Variants in EBF1 observed in about 807,000 individuals in gnomAD.
The protein encoded by EBF1 is transcription factor COE1.
EBF1 carries 10 observed loss-of-function variants against 68.4 expected under a neutral mutation model. The observed-to-expected ratio is 0.15, with a 90% CI of 0.09 to 0.25. The LOEUF (loss-of-function observed/expected upper bound fraction) is 0.25. Among genes scored for constraint, EBF1 ranks in the 10% least tolerant of loss-of-function variants. The pLI is 1.00. For missense variants in EBF1, 509 were observed against 794.4 expected (o/e 0.64, Z 4.32); for synonymous variants, 298 against 299.8 (o/e 0.99, Z 0.06).
chr5:158,968,562 GA>G (rs1215223257), intron 6 of EBF1, among the ~76,000 whole-genome samples: 1 of 151,816 alleles, frequency 6.6e-6, no homozygotes, highest in East Asian at 1.9e-4. Context: ...TTGGAGACAG[GA>G]AAAAAGAGAA....
intron 6 of EBF1, among the ~76,000 whole-genome samples, chr5:158,891,499 G>A (rs1313939686): frequency 6.6e-6 from 1 of 152,104 alleles, no homozygotes; most frequent in African/African-American, 2.4e-5. Context: ...ATTCGAAGTA[G>A]ACCCAGTGCT....
chr5:158,900,557 AC>A (rs1230278361), intron 6 of EBF1, among the ~76,000 whole-genome samples: 1 of 152,166 alleles, frequency 6.6e-6, no homozygotes, highest in Non-Finnish European at 1.5e-5. Context: ...GGCAGCTACC[AC>A]CTGTTTCCCA....
At chr5:158,969,890 AAGAAAGAAAGAAAGAAAGAAAGAAAG>A (rs1755120622) in intron 6 of EBF1, among the ~76,000 whole-genome samples, 2 of 112,544 alleles carry the variant, frequency 1.8e-5, no homozygotes, top group African/African-American at 6.4e-5. Context: ...GAAAGAAAGA[AAGAAAGAAAGAAAGAAAGAAAGAAAG>A]AAAAAAAAAA....
At chr5:158,720,843 A>G (rs1761792340) in intron 11 of EBF1, among the ~76,000 whole-genome samples, 1 of 152,220 alleles carries the variant, frequency 6.6e-6, no homozygotes, top group African/African-American at 2.4e-5. Context: ...GCAGGGAGGC[A>G]TAAAATGCCA....
At chr5:159,013,680 T>C (rs373698511) in intron 6 of EBF1, among the ~76,000 whole-genome samples, 13 of 152,068 alleles carry the variant, frequency 8.5e-5, no homozygotes, top group African/African-American at 2.9e-4. Flanking sequence ...GATGGGTTCA[T>C]CCAGTGGGAA....
At chr5:158,756,573 T>G (rs1770147413) in intron 10 of EBF1, among the ~76,000 whole-genome samples, 1 of 152,050 alleles carries the variant, frequency 6.6e-6, no homozygotes, top group African/African-American at 2.4e-5. Flanking sequence ...TTTTATTCCT[T>G]CATCAATCCA....
chr5:158,806,115 T>C (rs940535077), intron 8 of EBF1, among the ~76,000 whole-genome samples: 2 of 152,068 alleles, frequency 1.3e-5, no homozygotes, highest in Non-Finnish European at 2.9e-5. Flanking sequence ...AGTTGGCTTA[T>C]GGCAGGCAGG....
At chr5:158,742,050 C>A (rs1036710897) in intron 10 of EBF1, among the ~76,000 whole-genome samples, 2 of 152,200 alleles carry the variant, frequency 1.3e-5, no homozygotes, top group Non-Finnish European at 2.9e-5. Context: ...CAAACCCAGG[C>A]AGTCTGCCTC....
At chr5:158,929,148 T>C (rs1244800477) in intron 6 of EBF1, among the ~76,000 whole-genome samples, 2 of 152,122 alleles carry the variant, frequency 1.3e-5, no homozygotes, top group Non-Finnish European at 2.9e-5. Context: ...AGGTTATCAG[T>C]GTGTGGCAGA....
At chr5:158,892,658 T>G (rs1192877902) in intron 6 of EBF1, among the ~76,000 whole-genome samples, 1 of 152,154 alleles carries the variant, frequency 6.6e-6, no homozygotes, top group East Asian at 1.9e-4. Context: ...GTTTAAGACA[T>G]ATATACATAA....
Position 158,801,160 on chromosome 5 carries a change from C to G in EBF1, c.779-4685G>C, listed in dbSNP as rs568968696. On this transcript the variant is annotated intron_variant, in intron 8 of 15. Transcript: ENST00000313708. ...CTATGACAATAACATGATTACCCTACCACAGTTTAGCATAATGGCTCTGAA... is the reference window on the plus strand; with the variant it reads ...CTATGACAATAACATGATTACCCTAGCACAGTTTAGCATAATGGCTCTGAA... Among the ~76,000 whole-genome samples the G allele has an allele frequency of 2.0e-4, 30 of 152,022 alleles. No homozygotes were observed. In the South Asian group the frequency reaches 5.8e-3, roughly 30 times the overall value.
At chr5:158,988,668 T>A (rs1759639883) in intron 6 of EBF1, among the ~76,000 whole-genome samples, 1 of 152,184 alleles carries the variant, frequency 6.6e-6, no homozygotes, top group South Asian at 2.1e-4. Context: ...ATGCTTTAAA[T>A]AGGCCCATTG....
rs1172193626 is a variant in EBF1 at position 158,840,104 on chromosome 5, G to A, written c.561C>T (p.Phe187=). The A allele has an allele frequency of 3.1e-6, 5 of 1,613,400 alleles. No individual in the cohort carries two copies. Among genetic ancestry groups the A allele is most frequent in the Non-Finnish European group, 4.2e-6 (5 of 1,179,524 alleles). The change falls in exon 7 of 16, where the codon TTC becomes TTT. Residue 187 remains phenylalanine (F), a synonymous_variant. Transcript: ENST00000313708. ...PSDPVIIDRF[F]LKFFLKCNQN... ...GGTTACATTTGAGGAAAAATTTCAA[G>A]AAGAACCTGTGAAGAAACAAATCAT... is the stretch of plus-strand genomic sequence containing the variant.
At chr5:158,834,539 A>G (rs1398708891) in intron 7 of EBF1, among the ~76,000 whole-genome samples, 2 of 152,124 alleles carry the variant, frequency 1.3e-5, no homozygotes, top group African/African-American at 4.8e-5. Flanking sequence ...CAGATTTTCT[A>G]CAAGGTTTAT....
At chr5:159,019,670 G>A (rs1429854124) in intron 6 of EBF1, among the ~76,000 whole-genome samples, 4 of 152,086 alleles carry the variant, frequency 2.6e-5, no homozygotes, top group Admixed American at 1.3e-4. Context: ...CTGCTTTATC[G>A]CAAAATTCAA....
intron 6 of EBF1, among the ~76,000 whole-genome samples, chr5:159,001,308 T>C (rs1762492286): frequency 6.6e-6 from 1 of 152,180 alleles, no homozygotes; most frequent in African/African-American, 2.4e-5. Flanking sequence ...ACAGTAAATA[T>C]GGATAGACAT....
At chr5:158,756,016 A>G (rs755089732) in intron 10 of EBF1, among the ~76,000 whole-genome samples, 2 of 152,128 alleles carry the variant, frequency 1.3e-5, no homozygotes, top group Non-Finnish European at 2.9e-5. Context: ...CCAAAATGTC[A>G]ATGGTACTTT....
chr5:158,760,369 C>T (rs76340014), intron 10 of EBF1, among the ~76,000 whole-genome samples: 1 of 152,122 alleles, frequency 6.6e-6, no homozygotes, highest in Non-Finnish European at 1.5e-5. Context: ...GACAGGAATT[C>T]CTTCCAAACA....
chr5:158,990,018 C>A (rs1759972002), intron 6 of EBF1, among the ~76,000 whole-genome samples: 2 of 152,132 alleles, frequency 1.3e-5, no homozygotes, highest in Admixed American at 6.5e-5. Flanking sequence ...CACAACAACA[C>A]TTCAGAGAAA....
Sources: allele counts gnomAD v4.1 joint callset (sites outside exome capture counted in the v4.1 genomes callset), GRCh38; gene constraint gnomAD v4.1.1; transcripts MANE v1.5; gene names NCBI Gene and HGNC (gene_info 2026-07-23, HGNC 2026-07-21).